GLIS3: variants seen among roughly 807,000 people sequenced by gnomAD.
The protein encoded by GLIS3 is GLIS family zinc finger 3.
In GLIS3, 53 loss-of-function variants were observed where a neutral mutation model predicts 78.6. The observed-to-expected ratio is 0.67, with a 90% CI of 0.54 to 0.85. The LOEUF (loss-of-function observed/expected upper bound fraction) is 0.85. GLIS3 is among the 40% of genes least tolerant of loss of function. The pLI is 0.00. For synonymous variants in GLIS3, 684 were observed against 509.9 expected (o/e 1.34, Z -4.60); for missense variants, 1,703 against 1,231.1 (o/e 1.38, Z -5.74).
intron 4 of GLIS3, among the ~76,000 whole-genome samples, chr9:4,108,854 T>C (rs1830981849): frequency 6.6e-6 from 1 of 152,140 alleles, no homozygotes; most frequent in Non-Finnish European, 1.5e-5. Context: ...TCCACTGACC[T>C]GGGCCTTCAG....
chr9:4,013,007 G>A (rs1238518334), intron 4 of GLIS3, among the ~76,000 whole-genome samples: 4 of 151,792 alleles, frequency 2.6e-5, no homozygotes, highest in African/African-American at 4.8e-5. Flanking sequence ...TCCTGACCTC[G>A]TGTGATCCTC....
chr9:3,895,003 G>C (rs547766328), intron 7 of GLIS3, among the ~76,000 whole-genome samples: 2 of 152,264 alleles, frequency 1.3e-5, no homozygotes, highest in African/African-American at 4.8e-5. Flanking sequence ...TACAGCTTCG[G>C]TTTGAAAGGA....
At chr9:4,387,793 T>C in the GLIS3 span, among the ~76,000 whole-genome samples, 1 of 152,216 alleles carries the variant, frequency 6.6e-6, no homozygotes, top group African/African-American at 2.4e-5. Context: ...TACTTTTCTG[T>C]TTAGCTAATT....
At chr9:3,997,437 A>T (rs1206813709) in intron 4 of GLIS3, among the ~76,000 whole-genome samples, 7 of 152,144 alleles carry the variant, frequency 4.6e-5, no homozygotes, top group Admixed American at 4.6e-4. Context: ...AAAAGCTCTA[A>T]TTTACATAAA....
intron 2 of GLIS3, among the ~76,000 whole-genome samples, chr9:4,225,157 A>C (rs2131344649): frequency 6.6e-6 from 1 of 152,070 alleles, no homozygotes; most frequent in Non-Finnish European, 1.5e-5. Context: ...CTATATATAC[A>C]AAGTTGGTAA....
At chr9:4,352,957 T>C (rs981585825), upstream of GLIS3, among the ~76,000 whole-genome samples, 1 of 152,220 alleles carries the variant, frequency 6.6e-6, no homozygotes, top group African/African-American at 2.4e-5. Flanking sequence ...GGCTAAGATA[T>C]AGGGTCCTCT....
chr9:4,315,002 A>T (rs758289522), intron 2 of GLIS3, among the ~76,000 whole-genome samples: 2 of 152,216 alleles, frequency 1.3e-5, no homozygotes, highest in Admixed American at 1.3e-4. Context: ...TTGTGAAGCC[A>T]TTCTATAGCT....
At chr9:3,891,392 G>A (rs568229707) in intron 7 of GLIS3, among the ~76,000 whole-genome samples, 127 of 152,204 alleles carry the variant, frequency 8.3e-4, no homozygotes, top group African/African-American at 2.8e-3. Context: ...TGTACAAAAC[G>A]TGGTCAGTAA....
intron 2 of GLIS3, among the ~76,000 whole-genome samples, chr9:4,160,922 A>G (rs1835420865): frequency 6.6e-6 from 1 of 152,136 alleles, no homozygotes; most frequent in South Asian, 2.1e-4. Context: ...AGTCTAGAGG[A>G]TACTGCTTTT....
chr9:3,898,012 T>C (rs1383681592), intron 7 of GLIS3, among the ~76,000 whole-genome samples: 2 of 152,210 alleles, frequency 1.3e-5, no homozygotes, highest in African/African-American at 4.8e-5. Flanking sequence ...ACTAATTATG[T>C]TTGCATAAGT....
the GLIS3 span, among the ~76,000 whole-genome samples, chr9:4,456,697 C>A: frequency 1.3e-5 from 2 of 152,256 alleles, no homozygotes; most frequent in Admixed American, 1.3e-4. Flanking sequence ...CATTTGAATA[C>A]TTAGAGGCCA....
At chr9:4,390,620 G>A in the GLIS3 span, among the ~76,000 whole-genome samples, 1 of 152,196 alleles carries the variant, frequency 6.6e-6, no homozygotes, top group African/African-American at 2.4e-5. Flanking sequence ...ACAGATATCT[G>A]TGGTGACCCT....
intron 4 of GLIS3, among the ~76,000 whole-genome samples, chr9:3,962,727 T>C (rs2182633): frequency 0.19 from 29,325 of 151,910 alleles, 3,376 homozygotes; most frequent in East Asian, 0.55. Context: ...AGTCCAGAAT[T>C]TCATGGGAGT....
At position 4,118,126 on chromosome 9, in the gene GLIS3, G is replaced by C; in HGVS notation, c.1352C>G (p.Pro451Arg). ...VDLPPAPPLP[P>R]LPPPPGPPPP... ...TGGGGGGCCTGGGGGCGGCGGCAGAGGAGGGAGCGGAGGCGCGGGGGGTAG... is the reference window on the plus strand; with the variant it reads ...TGGGGGGCCTGGGGGCGGCGGCAGACGAGGGAGCGGAGGCGCGGGGGGTAG... Residue 451 changes from proline (P) to arginine (R), a missense_variant, in exon 4 of 11, where the codon CCT (proline) becomes CGT (arginine). Coordinates refer to ENST00000381971, the MANE Select transcript of GLIS3 (RefSeq NM_001042413.2). The surrounding 1 kb of genome is among the most constrained non-coding windows in gnomAD (Gnocchi z 4.7). 6.5e-7 allele frequency: 1 copy of C among 1,550,034 alleles called. No homozygotes were observed. The highest frequency in any genetic ancestry group is 8.7e-7 in the Non-Finnish European group (1 of 1,147,596).
At chr9:4,245,097 G>A (rs1823677870) in intron 2 of GLIS3, among the ~76,000 whole-genome samples, 1 of 152,158 alleles carries the variant, frequency 6.6e-6, no homozygotes, top group South Asian at 2.1e-4. Flanking sequence ...CTAAGTTGCT[G>A]TAACGTGTCT....
chr9:4,076,784 C>G (rs1828100743), intron 4 of GLIS3, among the ~76,000 whole-genome samples: 3 of 152,158 alleles, frequency 2.0e-5, no homozygotes, highest in Non-Finnish European at 2.9e-5. Context: ...TGGCTGGGCA[C>G]AGGGGCTCAC....
At chr9:3,845,184 A>G (rs527960592) in intron 9 of GLIS3, among the ~76,000 whole-genome samples, 4 of 152,310 alleles carry the variant, frequency 2.6e-5, no homozygotes, top group Admixed American at 2.6e-4. Flanking sequence ...CAATAAGGGA[A>G]TGATTTAAAA....
chr9:4,357,826 GA>G, the GLIS3 span, among the ~76,000 whole-genome samples: 1 of 152,154 alleles, frequency 6.6e-6, no homozygotes, highest in African/African-American at 2.4e-5. Context: ...ATAGTGTCAG[GA>G]GGCACCATTC....
At chr9:3,849,773 G>C (rs947190956) in intron 9 of GLIS3, among the ~76,000 whole-genome samples, 2 of 152,180 alleles carry the variant, frequency 1.3e-5, no homozygotes, top group African/African-American at 2.4e-5. Context: ...GCCAGGCATG[G>C]TGGTATGTGT....
Sources: allele counts gnomAD v4.1 joint callset (sites outside exome capture counted in the v4.1 genomes callset), GRCh38; gene constraint gnomAD v4.1.1; non-coding constraint Gnocchi (gnomAD v3.1); transcripts MANE v1.5; gene names NCBI Gene and HGNC (gene_info 2026-07-23, HGNC 2026-07-21).